Variants in SLC25A15 observed in about 807,000 individuals in gnomAD.
SLC25A15 encodes solute carrier family 25 member 15.
Under a neutral mutation model 32.3 loss-of-function variants are expected in SLC25A15, and 24 were observed. The observed-to-expected ratio is 0.74, with a 90% confidence interval of 0.54 to 1.04. The LOEUF (loss-of-function observed/expected upper bound fraction) is 1.04. Ranked by LOEUF, SLC25A15 falls within the 50% of genes least tolerant of loss-of-function variation. The probability of loss-of-function intolerance (pLI) is 0.00; values close to 1 mark genes in which losing one functional copy is unlikely to be tolerated. For missense variants in SLC25A15, 317 were observed against 374.5 expected, an observed-to-expected ratio of 0.85 and a Z score of 1.27; for synonymous variants, 132 against 142.1, an observed-to-expected ratio of 0.93 and a Z score of 0.51.
At chr13:40,791,307 T>TTATA (rs974143917) in intron 1 of SLC25A15, among the ~76,000 whole-genome samples, 2 of 127,506 alleles carry the variant, frequency 1.6e-5, no homozygotes, top group African/African-American at 3.4e-5. Context: ...AACTTTTTAT[T>TTATA]TATTTATTTA....
chr13:40,798,285 A>AAT (rs1881738044), intron 2 of SLC25A15, among the ~76,000 whole-genome samples: 1 of 152,030 alleles, frequency 6.6e-6, no homozygotes, highest in Admixed American at 6.6e-5. Flanking sequence ...ATCTCAAAAA[A>AAT]AAAAAAAAAA....
At chr13:40,805,636 T>C (rs1046827753) in intron 4 of SLC25A15, among the ~76,000 whole-genome samples, 1 of 152,218 alleles carries the variant, frequency 6.6e-6, no homozygotes, top group Non-Finnish European at 1.5e-5. Flanking sequence ...GAGATGAATA[T>C]TTGATCCCCA....
intron 1 of SLC25A15, among the ~76,000 whole-genome samples, chr13:40,789,942 G>A (rs568463738): frequency 1.3e-5 from 2 of 152,362 alleles, no homozygotes; most frequent in South Asian, 2.1e-4. Context: ...GGGCGCCAGT[G>A]CTGGGCAGCA....
In SLC25A15 at chr13:40,798,958, G is replaced by A. The variant is rs920585443; in HGVS notation, c.56-99G>A. On this transcript the variant is annotated intron_variant, in intron 2 of 6. Transcript: ENST00000338625. ...GGAGGAAAAGAGGTTGAAATGAACC[G>A]AAGCAGGGGTAAGTTCTGGGGTAGG... The A allele has an allele frequency of 2.2e-5, 35 of 1,608,820 alleles. No homozygotes were observed. The African/African-American group carries it at 2.8e-4, about 13-fold the overall frequency.
At chr13:40,808,650 C>T (rs575782573) in intron 6 of SLC25A15, 54 bp downstream of exon 6, 42 of 1,531,178 alleles carry the variant, frequency 2.7e-5, no homozygotes, top group Admixed American at 2.7e-4. Flanking sequence ...ATCTGAGATA[C>T]GGGCCGGGCG....
rs867303078 is a variant in SLC25A15 at position 40,811,414 on chromosome 13, G to A, written c.*1747G>A. Among the ~76,000 whole-genome samples, 1 of 152,016 alleles carries A rather than the reference G, an allele frequency of 6.6e-6. No homozygotes were observed. The highest frequency in any genetic ancestry group is 1.5e-5 in the Non-Finnish European group (1 of 67,990). On this transcript the variant is annotated 3_prime_UTR_variant, in exon 7 of 7. Coordinates refer to ENST00000338625, the MANE Select transcript of SLC25A15 (RefSeq NM_014252.4). ...TGAGGCAGGAGAATCGCTTGAACCC[G>A]GGAGGCAGAGGTTGCAGTGAACTGA...
intron 2 of SLC25A15, among the ~76,000 whole-genome samples, chr13:40,794,857 AT>A (rs1566119842): frequency 6.6e-6 from 1 of 152,056 alleles, no homozygotes; most frequent in African/African-American, 2.4e-5. Context: ...CATTTGCTCA[AT>A]TGTGAAAAAG....
intron 3 of SLC25A15, among the ~76,000 whole-genome samples, chr13:40,800,350 T>A (rs1566121858): frequency 6.6e-6 from 1 of 152,064 alleles, no homozygotes; most frequent in Non-Finnish European, 1.5e-5. Context: ...ATGAATGGGA[T>A]GAGCCTCCAG....
chr13:40,799,214 A>G lies in SLC25A15; in HGVS notation c.213A>G (p.Leu71=). ...RGFYKGTSPA[L]IANIAENSVL... ...TCTACAAGGGTACCAGTCCAGCACTAATCGCCAACATCGCTGAGAACTCAG... is the reference window on the plus strand; with the variant it reads ...TCTACAAGGGTACCAGTCCAGCACTGATCGCCAACATCGCTGAGAACTCAG... The change falls in exon 3 of 7, where the codon CTA becomes CTG. Residue 71 remains leucine (L), a synonymous_variant. Coordinates refer to ENST00000338625, the MANE Select transcript of SLC25A15 (RefSeq NM_014252.4). The G allele has an allele frequency of 6.2e-7, 1 of 1,614,236 alleles. No individual in the cohort carries two copies. Among genetic ancestry groups the G allele is most frequent in the East Asian group, 2.2e-5 (1 of 44,890 alleles).
At chr13:40,798,327 T>C (rs1026440968) in intron 2 of SLC25A15, among the ~76,000 whole-genome samples, 35 of 152,244 alleles carry the variant, frequency 2.3e-4, no homozygotes, top group African/African-American at 8.4e-4. Context: ...CTGCTGTATT[T>C]AATCTTATAG....
At chr13:40,791,205 CCT>C (rs1293109071) in intron 1 of SLC25A15, among the ~76,000 whole-genome samples, 1 of 151,930 alleles carries the variant, frequency 6.6e-6, no homozygotes, top group African/African-American at 2.4e-5. Context: ...TGAACTGAAT[CCT>C]CTGTCACTGA....
At chr13:40,791,401 A>G (rs1227561792) in intron 1 of SLC25A15, among the ~76,000 whole-genome samples, 4 of 149,054 alleles carry the variant, frequency 2.7e-5, no homozygotes, top group African/African-American at 9.9e-5. Flanking sequence ...TTTGTTGCCC[A>G]GGCTGGAGTC....
At chr13:40,792,333 C>T (rs558777575) in intron 1 of SLC25A15, among the ~76,000 whole-genome samples, 2 of 152,318 alleles carry the variant, frequency 1.3e-5, no homozygotes, top group South Asian at 2.1e-4. Flanking sequence ...GCACTGTCCG[C>T]CTCACTTGGG....
At chr13:40,800,871 T>G (rs940598749) in intron 3 of SLC25A15, among the ~76,000 whole-genome samples, 1 of 152,244 alleles carries the variant, frequency 6.6e-6, no homozygotes, top group African/African-American at 2.4e-5. Context: ...TACGTCACAG[T>G]GTCTCTCTCG....
chr13:40,795,121 C>T (rs1031815887), intron 2 of SLC25A15, among the ~76,000 whole-genome samples: 1 of 152,114 alleles, frequency 6.6e-6, no homozygotes. Context: ...CTCCCAAGCC[C>T]CTTTCCCCCT....
chr13:40,799,753 C>T (rs890086012), intron 3 of SLC25A15, among the ~76,000 whole-genome samples: 2 of 152,186 alleles, frequency 1.3e-5, no homozygotes, highest in Non-Finnish European at 2.9e-5. Flanking sequence ...TGCTACCTCT[C>T]GTCAGCAGAC....
chr13:40,804,302 C>T (rs1882045543), intron 3 of SLC25A15, among the ~76,000 whole-genome samples: 1 of 152,168 alleles, frequency 6.6e-6, no homozygotes, highest in Non-Finnish European at 1.5e-5. Flanking sequence ...CTCCTAACAC[C>T]ATCACCTTGG....
intron 3 of SLC25A15, among the ~76,000 whole-genome samples, chr13:40,801,307 T>C (rs1593292180): frequency 6.6e-6 from 1 of 150,380 alleles, no homozygotes; most frequent in African/African-American, 2.4e-5. Context: ...TTTTTGAGCT[T>C]GGGCCCGTTT....
intron 3 of SLC25A15, among the ~76,000 whole-genome samples, chr13:40,802,526 C>G (rs1357612432): frequency 6.6e-6 from 1 of 151,856 alleles, no homozygotes; most frequent in Non-Finnish European, 1.5e-5. Context: ...TTATACTAAT[C>G]TTTAACACTG....
Sources: allele counts gnomAD v4.1 joint callset (sites outside exome capture counted in the v4.1 genomes callset), GRCh38; gene constraint gnomAD v4.1.1; transcripts MANE v1.5; gene names NCBI Gene and HGNC (gene_info 2026-07-23, HGNC 2026-07-21).